ST7L: variants seen among roughly 807,000 people sequenced by gnomAD.
ST7L encodes suppression of tumorigenicity 7 like, also known as suppressor of tumorigenicity 7 protein-like.
A neutral mutation model predicts 72.5 loss-of-function variants in ST7L; 57 were observed. The observed-to-expected ratio is 0.79, with a 90% CI of 0.64 to 0.98. The LOEUF is 0.98. Among genes scored for constraint, ST7L ranks in the 50% least tolerant of loss-of-function variants. The probability of loss-of-function intolerance (pLI) is 0.00; values close to 1 mark genes in which losing one functional copy is unlikely to be tolerated. For synonymous variants in ST7L, 221 were observed against 240.9 expected, an observed-to-expected ratio of 0.92 and a Z score of 0.77; for missense variants, 576 against 672.2, an observed-to-expected ratio of 0.86 and a Z score of 1.58.
Position 112,583,971 on chromosome 1 carries a change from C to A in ST7L, c.856+1G>T. 1 of 1,612,914 alleles carries A rather than the reference C, an allele frequency of 6.2e-7. No individual in the cohort carries two copies. Among genetic ancestry groups the A allele is most frequent in the Non-Finnish European group, 8.5e-7 (1 of 1,179,588 alleles). ...GTAATAACCAGTTCAAACTTGCTTA[C>A]TCAGTTGAGCTTCATGCTGAGGACT... On this transcript the variant is annotated splice_donor_variant, in intron 7 of 14. Transcript: ENST00000358039. LOFTEE classifies it high-confidence loss of function.
At chr1:112,551,136 A>ATTT in intron 12 of ST7L, among the ~76,000 whole-genome samples, 1 of 119,740 alleles carries the variant, frequency 8.4e-6, no homozygotes, top group Admixed American at 8.4e-5. Flanking sequence ...CTATGAGCAG[A>ATTT]TCTTTTTTTT....
chr1:112,574,615 C>A (rs548539768), intron 11 of ST7L, among the ~76,000 whole-genome samples: 2 of 150,056 alleles, frequency 1.3e-5, no homozygotes, highest in East Asian at 4.0e-4. Context: ...GCCTAGATCA[C>A]GCCACTGCAC....
intron 3 of ST7L, among the ~76,000 whole-genome samples, chr1:112,603,205 C>G (rs1002886342): frequency 6.6e-6 from 1 of 152,122 alleles, no homozygotes; most frequent in Admixed American, 6.6e-5. Context: ...ATGATATTAA[C>G]AAGTGAGTTT....
Position 112,526,101 on chromosome 1 carries a change from A to G in ST7L, c.1640T>C (p.Leu547Pro). 1 of 1,614,186 alleles carries G rather than the reference A, an allele frequency of 6.2e-7. No individual in the cohort carries two copies. The highest frequency in any genetic ancestry group is 1.1e-5 in the South Asian group (1 of 91,084). Reference protein sequence around the residue: ...MGIFAKAVLGLWCPQPWASSG... With the variant: ...MGIFAKAVLGPWCPQPWASSG... ...GGATGCCCAGGGTTGGGGGCACCAGAGTCCCAGCACCTTCAAAACAGAAAT... is the reference window on the plus strand; with the variant it reads ...GGATGCCCAGGGTTGGGGGCACCAGGGTCCCAGCACCTTCAAAACAGAAAT... Residue 547 changes from leucine to proline, a missense_variant, in exon 15 of 15, where the codon CTC (leucine) becomes CCC (proline). By Grantham distance (98) the Leu-to-Pro change is moderately conservative. Around this residue, in one of 3 missense-constraint regions of ST7L, gnomAD observed 511 missense variants for 600.7 expected, o/e 0.85. Transcript: ENST00000358039.
chr1:112,531,607 T>C (rs1484578785), intron 14 of ST7L, among the ~76,000 whole-genome samples: 1 of 152,196 alleles, frequency 6.6e-6, no homozygotes, highest in Non-Finnish European at 1.5e-5. Flanking sequence ...AATAAATGAA[T>C]ATTCAAGGAT....
chr1:112,603,477 A>G (rs763012030), intron 3 of ST7L, among the ~76,000 whole-genome samples: 1 of 152,170 alleles, frequency 6.6e-6, no homozygotes, highest in Non-Finnish European at 1.5e-5. Context: ...TTTTCTGAGA[A>G]GATTATTAAA....
rs752651597 is a variant in ST7L at position 112,616,830 on chromosome 1, T to C, written c.271A>G (p.Ile91Val). 3.1e-6 allele frequency: 5 copies of C among 1,603,284 alleles called. No individual in the cohort carries two copies. In the South Asian group the frequency reaches 4.5e-5, roughly 14 times the overall value. The change falls in exon 2 of 15, where the codon ATA becomes GTA. Residue 91 changes from isoleucine (I) to valine (V), a missense_variant. Around this residue, in one of 3 missense-constraint regions of ST7L, gnomAD observed 511 missense variants for 600.7 expected, o/e 0.85. Coordinates refer to ENST00000358039, the MANE Select transcript of ST7L (RefSeq NM_017744.5). ...CTACTTACAAATATTAGTCCTGATA[T>C]CAATGAAGAGGTCCCTGTAAGTGCC... ...YVALTGTSSLISGLIFIFEWW... is the reference protein window; with the variant it reads ...YVALTGTSSLVSGLIFIFEWW...
chr1:112,584,208 C>A, intron 6 of ST7L, 82 bp from the exon 7 acceptor site: 2 of 1,360,766 alleles, frequency 1.5e-6, no homozygotes, highest in Non-Finnish European at 2.0e-6. Flanking sequence ...TGCTCTATGT[C>A]ATATTTCCTT....
intron 14 of ST7L, among the ~76,000 whole-genome samples, chr1:112,537,371 T>A (rs1655389539): frequency 6.6e-6 from 1 of 152,140 alleles, no homozygotes; most frequent in African/African-American, 2.4e-5. Flanking sequence ...CAAGTCTGAG[T>A]TTGTCAGTAA....
chr1:112,612,043 A>G (rs1318389220), intron 2 of ST7L, among the ~76,000 whole-genome samples: 2 of 151,362 alleles, frequency 1.3e-5, no homozygotes, highest in East Asian at 3.9e-4. Context: ...TACATGTATT[A>G]CTTTAAAGAA....
intron 14 of ST7L, among the ~76,000 whole-genome samples, chr1:112,538,377 C>T (rs904174263): frequency 6.6e-6 from 1 of 152,192 alleles, no homozygotes; most frequent in Non-Finnish European, 1.5e-5. Flanking sequence ...GGGTCTTGCT[C>T]TGTTGCCCAG....
intron 11 of ST7L, among the ~76,000 whole-genome samples, chr1:112,557,290 T>C (rs1659361885): frequency 6.6e-6 from 1 of 152,240 alleles, no homozygotes; most frequent in South Asian, 2.1e-4. Context: ...TACTAACCTA[T>C]CTTATATCTC....
chr1:112,573,096 C>G (rs1023908522), intron 11 of ST7L, among the ~76,000 whole-genome samples: 1 of 152,074 alleles, frequency 6.6e-6, no homozygotes, highest in Non-Finnish European at 1.5e-5. Flanking sequence ...TGCCTGTAAT[C>G]TCAGCACTTT....
intron 2 of ST7L, among the ~76,000 whole-genome samples, chr1:112,613,114 G>A (rs1478508608): frequency 6.6e-6 from 1 of 150,706 alleles, no homozygotes; most frequent in Admixed American, 6.6e-5. Context: ...GTAAAACACT[G>A]TTTCGAAAAA....
At chr1:112,602,111 A>G (rs1230131532) in intron 3 of ST7L, among the ~76,000 whole-genome samples, 1 of 151,780 alleles carries the variant, frequency 6.6e-6, no homozygotes, top group Non-Finnish European at 1.5e-5. Context: ...AAAGAAAAGA[A>G]AAGAAAATAG....
chr1:112,531,077 T>G (rs1654308918), intron 14 of ST7L, among the ~76,000 whole-genome samples: 1 of 152,266 alleles, frequency 6.6e-6, no homozygotes, highest in African/African-American at 2.4e-5. Flanking sequence ...TCTTTCCTAT[T>G]CTCTCACATG....
intron 3 of ST7L, among the ~76,000 whole-genome samples, chr1:112,604,561 G>C (rs1299960470): frequency 1.3e-5 from 2 of 151,614 alleles, no homozygotes; most frequent in Non-Finnish European, 2.9e-5. Context: ...ATTCTCAAAT[G>C]AAAAAAATCA....
chr1:112,561,771 G>A lies in ST7L; in HGVS notation c.1246-5753C>T, dbSNP rs988004266. 1.1e-4 allele frequency among the ~76,000 whole-genome samples: 16 copies of A among 151,526 alleles called. No homozygotes were observed. In the South Asian group the frequency reaches 1.9e-3, roughly 18 times the overall value. ...CTGGGATTACAGGCATGCGTTGCCC[G>A]GCCAATCTAACATTTTTAATTGTTG... is the stretch of plus-strand genomic sequence containing the variant. On this transcript the variant is annotated intron_variant, in intron 11 of 14. Coordinates refer to ENST00000358039, the MANE Select transcript of ST7L (RefSeq NM_017744.5).
At chr1:112,556,965 T>TCAAAAAAAAAAA (rs1659229114) in intron 11 of ST7L, among the ~76,000 whole-genome samples, 1 of 13,294 alleles carries the variant, frequency 7.5e-5, no homozygotes, top group Non-Finnish European at 1.3e-4. Flanking sequence ...AGACTCTGTC[T>TCAAAAAAAAAAA]CAAAAAAAAA....
Sources: allele counts gnomAD v4.1 joint callset (sites outside exome capture counted in the v4.1 genomes callset), GRCh38; gene constraint gnomAD v4.1.1; regional missense constraint gnomAD v4.1.1; transcripts MANE v1.5; gene names NCBI Gene and HGNC (gene_info 2026-07-23, HGNC 2026-07-21).